The following CNOT10 variants were observed in gnomAD, a reference collection of about 807,000 sequenced individuals.
CNOT10 encodes the protein CCR4-NOT transcription complex subunit 10, also known as CCR4-NOT transcription complex, subunit 10.
In CNOT10, 30 loss-of-function variants were observed where a neutral mutation model predicts 94.6. The ratio of observed to expected loss-of-function variants is 0.32; its 90% confidence interval spans 0.24 to 0.43. The LOEUF is 0.43. CNOT10 is among the 20% of genes least tolerant of loss of function. The probability of loss-of-function intolerance (pLI) is 1.00; values close to 1 mark genes in which losing one functional copy is unlikely to be tolerated. For synonymous variants in CNOT10, 289 were observed against 301.6 expected, an observed-to-expected ratio of 0.96 and a Z score of 0.43; for missense variants, 759 against 877.2, an observed-to-expected ratio of 0.87 and a Z score of 1.70.
chr3:32,764,764 C>T lies in CNOT10; in HGVS notation c.1959C>T (p.Tyr653=), dbSNP rs745470926. 2 of 1,614,214 alleles carry T rather than the reference C, an allele frequency of 1.2e-6. No individual in the cohort carries two copies. Among genetic ancestry groups the T allele is most frequent in the East Asian group, 2.2e-5 (1 of 44,886 alleles). The change falls in exon 17 of 19, where the codon TAC becomes TAT. Residue 653 remains tyrosine, a synonymous_variant. Transcript: ENST00000328834. ...TGCTGTTCAACCTTGGCAGCGCTTA[C>T]TGCCTGAGGAGCGAATATGACAAAG... ...TVMLFNLGSA[Y]CLRSEYDKAR...
chr3:32,686,671 A>G (rs1696614482), intron 1 of CNOT10, among the ~76,000 whole-genome samples: 1 of 152,220 alleles, frequency 6.6e-6, no homozygotes. Flanking sequence ...AGAGACTATT[A>G]GACAGGAAAA....
At position 32,716,212 on chromosome 3, in the gene CNOT10, C is replaced by T. The variant is rs778516073; in HGVS notation, c.574-13C>T. The T allele has an allele frequency of 5.0e-6, 7 of 1,411,810 alleles. No individual in the cohort carries two copies. The South Asian group carries it at 8.0e-5, about 16-fold the overall frequency. 87.5% of individuals were successfully genotyped at this position (1,411,810 alleles called of 1,614,324 possible). A position where few individuals can be genotyped will look rare whatever the true frequency, so the allele number is the denominator to read the frequency against. ...TATTTAATTTTGATAAACTTTGTTT[C>T]ATCACCCTACAGACTGGTAATAACA... On this transcript the variant is annotated splice_polypyrimidine_tract_variant and intron_variant, in intron 5 of 18. Coordinates refer to ENST00000328834, the MANE Select transcript of CNOT10 (RefSeq NM_015442.3).
chr3:32,727,081 G>C (rs554480864), intron 9 of CNOT10, among the ~76,000 whole-genome samples: 11 of 151,908 alleles, frequency 7.2e-5, no homozygotes, highest in Non-Finnish European at 8.8e-5. Context: ...TCCTGACTTC[G>C]TGATCTGCCC....
intron 1 of CNOT10, among the ~76,000 whole-genome samples, chr3:32,690,812 G>A (rs988465315): frequency 1.3e-5 from 2 of 152,044 alleles, no homozygotes; most frequent in Non-Finnish European, 2.9e-5. Context: ...CTCCCAAAGT[G>A]CTGGGATTAC....
Position 32,754,483 on chromosome 3 carries a change from A to ATAT in CNOT10, c.1596-4975_1596-4974insTAT, listed in dbSNP as rs1393800228. ...CAGAGCAAGACTCCGTCTCAAAAAA[A>ATAT]AAAAAAATACATATATATATATATA... On this transcript the variant is annotated intron_variant, in intron 13 of 18. Coordinates refer to ENST00000328834, the MANE Select transcript of CNOT10 (RefSeq NM_015442.3). Among the ~76,000 whole-genome samples the ATAT allele has an allele frequency of 2.6e-3, 98 of 38,208 alleles. 3 individuals are homozygous for ATAT. The highest frequency in any genetic ancestry group is 3.0e-3 in the Non-Finnish European group (63 of 20,908). 25.1% of individuals were successfully genotyped at this position (38,208 alleles called of 152,430 possible). A position where few individuals can be genotyped will look rare whatever the true frequency, so the allele number is the denominator to read the frequency against.
In CNOT10 at chr3:32,731,715, G is replaced by C. The variant is rs567106153; in HGVS notation, c.1216-1708G>C. 7.9e-5 allele frequency among the ~76,000 whole-genome samples: 12 copies of C among 152,194 alleles called. No homozygotes were observed. In the East Asian group the frequency reaches 1.4e-3, roughly 17 times the overall value. On this transcript the variant is annotated intron_variant, in intron 10 of 18. Transcript: ENST00000328834. ...TGGTCTCAAGTTCCTGGGCTCTAGC[G>C]ATCCACCCGCCTCAGCCTCCCAAAG...
chr3:32,735,944 A>G (rs1011343190), intron 12 of CNOT10, among the ~76,000 whole-genome samples: 1 of 152,140 alleles, frequency 6.6e-6, no homozygotes, highest in Non-Finnish European at 1.5e-5. Flanking sequence ...CTTCAAAAAA[A>G]TTAAAAATAA....
intron 5 of CNOT10, among the ~76,000 whole-genome samples, chr3:32,715,335 G>T (rs1308985779): frequency 1.3e-5 from 2 of 152,158 alleles, no homozygotes. Context: ...ACAAGGAGGG[G>T]TAGAGCAGGA....
chr3:32,701,563 T>C (rs1697349021), intron 1 of CNOT10, among the ~76,000 whole-genome samples: 1 of 152,164 alleles, frequency 6.6e-6, no homozygotes, highest in South Asian at 2.1e-4. Flanking sequence ...CTTGCTGTAC[T>C]GGTGATAGTG....
intron 1 of CNOT10, among the ~76,000 whole-genome samples, chr3:32,690,637 C>T (rs1032643292): frequency 1.3e-5 from 2 of 151,824 alleles, no homozygotes; most frequent in Non-Finnish European, 2.9e-5. Flanking sequence ...AGCTCCGCCT[C>T]CCGGGTTCAC....
At chr3:32,730,641 A>G (rs1169961554) in intron 10 of CNOT10, 1 of 152,238 alleles carries the variant, frequency 6.6e-6, no homozygotes, top group African/African-American at 2.4e-5. Flanking sequence ...AAAATTCCAT[A>G]AAATTTGTTT....
chr3:32,744,028 G>A (rs895440046), intron 13 of CNOT10, among the ~76,000 whole-genome samples: 2 of 152,090 alleles, frequency 1.3e-5, no homozygotes, highest in African/African-American at 4.8e-5. Flanking sequence ...TTTATAAAAA[G>A]GACTGCTATG....
At chr3:32,707,228 A>G (rs949449352) in intron 3 of CNOT10, among the ~76,000 whole-genome samples, 3 of 152,114 alleles carry the variant, frequency 2.0e-5, no homozygotes, top group African/African-American at 7.2e-5. Flanking sequence ...GCCCATTGCT[A>G]CAGCTTACAT....
intron 7 of CNOT10, 55 bp downstream of exon 7, chr3:32,717,292 T>C: frequency 1.9e-6 from 2 of 1,044,506 alleles, no homozygotes; most frequent in Non-Finnish European, 3.0e-6. Flanking sequence ...ATTTAGACTA[T>C]GGGTATTGTC....
chr3:32,727,905 C>T (rs770499445), intron 10 of CNOT10, 35 bp downstream of exon 10: 1 of 1,434,210 alleles, frequency 7.0e-7, no homozygotes, highest in Non-Finnish European at 9.6e-7. Context: ...TAAACCCTGT[C>T]TTCTCCCCAC....
In CNOT10 at chr3:32,697,883, T is replaced by C. The variant is rs561400895; in HGVS notation, c.23-5985T>C. Among the ~76,000 whole-genome samples, 578 of 152,364 alleles carry C rather than the reference T, an allele frequency of 3.8e-3. 1 individual carries two copies. The highest frequency in any genetic ancestry group is 7.0e-3 in the Non-Finnish European group (473 of 68,026). On this transcript the variant is annotated intron_variant, in intron 1 of 18. Transcript: ENST00000328834. ...ATGAGAGAAGACACATTTTTTAAAA[T>C]GTTAGGTTTTATAAAATCTTTAATA...
intron 5 of CNOT10, 85 bp downstream of exon 5, chr3:32,713,454 A>G: frequency 9.3e-7 from 1 of 1,073,112 alleles, no homozygotes; most frequent in Non-Finnish European, 1.3e-6. Context: ...AAAAGAAAGC[A>G]ATTAAAATAT....
At chr3:32,736,492 G>T (rs1238262954) in intron 12 of CNOT10, among the ~76,000 whole-genome samples, 1 of 152,012 alleles carries the variant, frequency 6.6e-6, no homozygotes, top group African/African-American at 2.4e-5. Flanking sequence ...TAGAAAATTT[G>T]GGCCAGGCAT....
At chr3:32,768,956 G>T (rs1039473841) in intron 17 of CNOT10, 2 of 152,188 alleles carry the variant, frequency 1.3e-5, no homozygotes, top group African/African-American at 4.8e-5. Context: ...CCAAAGCTCT[G>T]TTTGAAAGAA....
Sources: gnomAD v4.1 joint callset for allele counts (sites outside exome capture counted in the v4.1 genomes callset) on GRCh38, gnomAD v4.1.1 for gene constraint, MANE v1.5 for transcripts, NCBI Gene and HGNC (gene_info 2026-07-23, HGNC 2026-07-21) for gene names.